Variants in DAB1 observed in about 807,000 individuals in gnomAD.
The protein encoded by DAB1 is DAB adaptor protein 1, also known as disabled homolog 1.
Under a neutral mutation model 64.6 loss-of-function variants are expected in DAB1, and 15 were observed. The ratio of observed to expected loss-of-function variants is 0.23; its 90% CI spans 0.16 to 0.36. The LOEUF is 0.36. DAB1 is among the 10% of genes least tolerant of loss of function. DAB1 has a pLI of 1.00. For synonymous variants in DAB1, 235 were observed against 251.9 expected, an observed-to-expected ratio of 0.93 and a Z score of 0.64; for missense variants, 596 against 706.7, an observed-to-expected ratio of 0.84 and a Z score of 1.78.
chr1:57,087,412 A>G (rs1205314179), intron 4 of DAB1, among the ~76,000 whole-genome samples: 2 of 152,238 alleles, frequency 1.3e-5, no homozygotes, highest in African/African-American at 2.4e-5. Flanking sequence ...GGAGTCACCA[A>G]GGGAGAAGGG....
At chr1:57,068,645 T>G (rs144690305) in intron 8 of DAB1, among the ~76,000 whole-genome samples, 181 of 152,304 alleles carry the variant, frequency 1.2e-3, no homozygotes, top group African/African-American at 4.1e-3. Context: ...TCATATCTAT[T>G]TGATGTGCTG....
At chr1:57,997,868 A>G (rs1749777) in intron 5 of DAB1, among the ~76,000 whole-genome samples, 19,355 of 151,358 alleles carry the variant, frequency 0.13, 1,616 homozygotes, top group South Asian at 0.3. Flanking sequence ...TGTGCCAGCC[A>G]CTATACTAGA....
chr1:57,218,545 A>C (rs964484248), intron 2 of DAB1, among the ~76,000 whole-genome samples: 1 of 141,020 alleles, frequency 7.1e-6, no homozygotes, highest in Admixed American at 7.1e-5. Flanking sequence ...AAAAAAAAAC[A>C]GAAAAAAATT....
intron 3 of DAB1, among the ~76,000 whole-genome samples, chr1:58,388,709 A>ACAACAGGTGCTAATCATGG (rs1553179169): frequency 6.6e-6 from 1 of 152,254 alleles, no homozygotes; most frequent in Non-Finnish European, 1.5e-5. Flanking sequence ...ATCCTAGTTG[A>ACAACAGGTGCTAATCATGG]CAACAGGTGC....
At chr1:58,187,024 G>C (rs912860338) in intron 4 of DAB1, among the ~76,000 whole-genome samples, 7 of 152,198 alleles carry the variant, frequency 4.6e-5, no homozygotes, top group African/African-American at 1.4e-4. Flanking sequence ...AAGGAAGGGA[G>C]AAGCATTAGG....
chr1:57,180,724 G>A (rs1004830431), intron 2 of DAB1, among the ~76,000 whole-genome samples: 4 of 151,904 alleles, frequency 2.6e-5, no homozygotes, highest in Admixed American at 2.0e-4. Flanking sequence ...ACAACCTTCC[G>A]TAATGACCCA....
intron 7 of DAB1, among the ~76,000 whole-genome samples, chr1:57,489,319 A>C (rs967205225): frequency 6.6e-6 from 1 of 152,328 alleles, no homozygotes; most frequent in East Asian, 1.9e-4. Context: ...GCCCCTAAAG[A>C]AAGCACATCC....
chr1:57,384,406 A>T (rs1681628342), intron 1 of DAB1, among the ~76,000 whole-genome samples: 1 of 152,198 alleles, frequency 6.6e-6, no homozygotes, highest in African/African-American at 2.4e-5. Context: ...TCTACTTCTG[A>T]ATATACATCC....
chr1:57,185,781 G>A (rs868350237), intron 2 of DAB1, among the ~76,000 whole-genome samples: 38 of 152,252 alleles, frequency 2.5e-4, no homozygotes, highest in Admixed American at 3.9e-4. Flanking sequence ...TCCAGAGAGT[G>A]AGGTAAGTTT....
At chr1:58,457,749 A>C (rs1245168215) in intron 3 of DAB1, among the ~76,000 whole-genome samples, 1 of 152,152 alleles carries the variant, frequency 6.6e-6, no homozygotes, top group Non-Finnish European at 1.5e-5. Context: ...AAGATGTAGG[A>C]GTCTTCTTTT....
rs1291061158 is a variant in DAB1, at chr1:58,376,581, G to A, written n.258-33178C>T. 1.5e-4 allele frequency among the ~76,000 whole-genome samples: 22 copies of A among 147,580 alleles called. No homozygotes were observed. In the East Asian group the frequency reaches 3.7e-3, roughly 25 times the overall value. The stretch of plus-strand genomic sequence containing the variant: ...ATTTCTGTTCGTTTACATTTGCTGA[G>A]GAGAGCTTTACTTCCAACTATGTGG... On this transcript the variant is annotated intron_variant and non_coding_transcript_variant, in intron 3 of 20. Coordinates refer to the DAB1 transcript ENST00000485760.
chr1:57,629,887 G>T (rs1645967818), intron 7 of DAB1, among the ~76,000 whole-genome samples: 1 of 151,806 alleles, frequency 6.6e-6, no homozygotes, highest in Admixed American at 6.6e-5. Flanking sequence ...GCTCCTCTCA[G>T]TTCAAATGAA....
At chr1:57,243,052 G>A (rs1408841135) in intron 2 of DAB1, among the ~76,000 whole-genome samples, 1 of 152,180 alleles carries the variant, frequency 6.6e-6, no homozygotes. Flanking sequence ...CAGCACTGGA[G>A]GGTCCTAAAG....
At chr1:58,115,174 G>A (rs1357913854) in intron 5 of DAB1, among the ~76,000 whole-genome samples, 24 of 116,892 alleles carry the variant, frequency 2.1e-4, no homozygotes, top group South Asian at 1.7e-3. Context: ...AAAAGTGGGC[G>A]AAGGACATGA....
chr1:57,189,459 C>G (rs766759717), intron 2 of DAB1, among the ~76,000 whole-genome samples: 4 of 152,118 alleles, frequency 2.6e-5, no homozygotes, highest in Non-Finnish European at 5.9e-5. Context: ...TAGTGGATAA[C>G]AGACCCTGGC....
chr1:58,292,955 C>T (rs1329379639), intron 4 of DAB1, among the ~76,000 whole-genome samples: 3 of 152,022 alleles, frequency 2.0e-5, no homozygotes, highest in South Asian at 2.1e-4. Flanking sequence ...AAATTCTATG[C>T]TTGCGAATGG....
chr1:57,709,861 A>C (rs533591423), intron 6 of DAB1, among the ~76,000 whole-genome samples: 4 of 152,218 alleles, frequency 2.6e-5, no homozygotes, highest in African/African-American at 9.6e-5. Flanking sequence ...GGGAAGATGG[A>C]GCCTCCATGT....
Position 57,894,720 on chromosome 1 carries a change from G to A in DAB1, n.388-10558C>T, listed in dbSNP as rs72918576. ...TTGAAAAGATCACCCTGGCTGCCCTGTGGAGAAAGGTTTGTAAGGGGCAAC... is the reference window on the plus strand; with the variant it reads ...TTGAAAAGATCACCCTGGCTGCCCTATGGAGAAAGGTTTGTAAGGGGCAAC... On this transcript the variant is annotated intron_variant and non_coding_transcript_variant, in intron 5 of 20. Coordinates refer to the DAB1 transcript ENST00000485760. 6.4e-3 allele frequency among the ~76,000 whole-genome samples: 972 copies of A among 152,280 alleles called. 12 individuals are homozygous for A. The highest frequency in any genetic ancestry group is 0.022 in the African/African-American group (924 of 41,576).
rs529998698 is a variant in DAB1 at position 57,512,991 on chromosome 1, T to C, written n.625+136601A>G. Reference sequence around the variant, plus strand: ...TGTGCCTCTCACTTCTGTGCCAGGCTTATTATATTTTCTGATTTGCTCCTG... The same window carrying C: ...TGTGCCTCTCACTTCTGTGCCAGGCCTATTATATTTTCTGATTTGCTCCTG... On this transcript the variant is annotated intron_variant and non_coding_transcript_variant, in intron 7 of 20. Transcript: ENST00000485760. Among the ~76,000 whole-genome samples, 14 of 152,328 alleles carry C rather than the reference T, an allele frequency of 9.2e-5. No homozygotes were observed. In the South Asian group the frequency reaches 2.7e-3, roughly 29 times the overall value.
Sources: allele counts gnomAD v4.1 joint callset (sites outside exome capture counted in the v4.1 genomes callset), GRCh38; gene constraint gnomAD v4.1.1; transcripts MANE v1.5; gene names NCBI Gene and HGNC (gene_info 2026-07-23, HGNC 2026-07-21).